The following PPP1R12A variants were observed in gnomAD, a reference collection of about 807,000 sequenced individuals.
PPP1R12A encodes the protein myosin binding subunit.
A neutral mutation model predicts 139.6 loss-of-function variants in PPP1R12A; 19 were observed. The observed-to-expected ratio is 0.14, with a 90% CI of 0.09 to 0.20. The LOEUF (loss-of-function observed/expected upper bound fraction) is 0.20, where lower values mean the gene tolerates loss of function less well. Ranked by LOEUF, PPP1R12A falls within the 10% of genes least tolerant of loss-of-function variation. The probability of loss-of-function intolerance (pLI) is 1.00; values close to 1 mark genes in which losing one functional copy is unlikely to be tolerated. For missense variants in PPP1R12A, 925 were observed against 1,211.5 expected, an observed-to-expected ratio of 0.76 and a Z score of 3.51; for synonymous variants, 427 against 420.6, an observed-to-expected ratio of 1.02 and a Z score of -0.19.
intron 1 of PPP1R12A, among the ~76,000 whole-genome samples, chr12:79,894,596 A>T (rs963035185): frequency 5.3e-5 from 8 of 152,194 alleles, no homozygotes; most frequent in African/African-American, 1.7e-4. Flanking sequence ...TTCCTATAAA[A>T]TATTATGATC....
Position 79,868,133 on chromosome 12 carries a change from G to C in PPP1R12A, c.368+4675C>G, listed in dbSNP as rs147370700. The stretch of plus-strand genomic sequence containing the variant: ...AATGTTACCATTGTATAGTTCCTAT[G>C]TTTTCATCTAATTATTTCTTCAGTC... On this transcript the variant is annotated intron_variant, in intron 2 of 24. Coordinates refer to ENST00000450142, the MANE Select transcript of PPP1R12A (RefSeq NM_002480.3). Among the ~76,000 whole-genome samples, 1,114 of 152,274 alleles carry C rather than the reference G, an allele frequency of 7.3e-3. 10 individuals carry two copies. Among genetic ancestry groups the C allele is most frequent in the African/African-American group, 0.026 (1,066 of 41,554 alleles).
At chr12:79,828,949 C>T (rs1461552148) in intron 4 of PPP1R12A, among the ~76,000 whole-genome samples, 1 of 151,936 alleles carries the variant, frequency 6.6e-6, no homozygotes, top group Non-Finnish European at 1.5e-5. Context: ...ATTTCTGTTG[C>T]CTTGAAATTA....
intron 2 of PPP1R12A, among the ~76,000 whole-genome samples, chr12:79,871,992 G>A (rs140886382): frequency 1.7e-4 from 26 of 152,166 alleles, no homozygotes; most frequent in African/African-American, 5.8e-4. Flanking sequence ...TTCCCAGGCC[G>A]GAGCACTTTT....
At chr12:79,888,188 G>A (rs971896905) in intron 1 of PPP1R12A, among the ~76,000 whole-genome samples, 3 of 152,192 alleles carry the variant, frequency 2.0e-5, no homozygotes, top group East Asian at 1.9e-4. Context: ...CACAAGACAC[G>A]TAACTAAACA....
At chr12:79,883,016 A>G (rs1883781858) in intron 1 of PPP1R12A, among the ~76,000 whole-genome samples, 1 of 152,110 alleles carries the variant, frequency 6.6e-6, no homozygotes, top group African/African-American at 2.4e-5. Flanking sequence ...ACGCACCTAT[A>G]ATCCCAGCTA....
At chr12:79,789,535 G>T in intron 20 of PPP1R12A, 1 of 398,570 alleles carries the variant, frequency 2.5e-6, no homozygotes, top group Non-Finnish European at 4.9e-6. Flanking sequence ...TCCTAAGCAG[G>T]AAAAACATAT....
Position 79,927,085 on chromosome 12 carries a change from C to T in PPP1R12A, c.237+7610G>A, listed in dbSNP as rs371206742. On this transcript the variant is annotated intron_variant, in intron 1 of 24. Coordinates refer to ENST00000450142, the MANE Select transcript of PPP1R12A (RefSeq NM_002480.3). ...GCACATGCCTGTATTCCCAGCTGAT[C>T]GGGAGGCTGAGGTGGGAGGATCACT... is the stretch of plus-strand genomic sequence containing the variant. Among the ~76,000 whole-genome samples the T allele has an allele frequency of 8.4e-4, 126 of 150,532 alleles. 1 individual carries two copies. In the South Asian group the frequency reaches 0.025, roughly 29 times the overall value.
At chr12:79,826,252 G>A (rs1292340746) in intron 5 of PPP1R12A, among the ~76,000 whole-genome samples, 3 of 150,590 alleles carry the variant, frequency 2.0e-5, no homozygotes, top group Non-Finnish European at 2.9e-5. Flanking sequence ...TCACAGGGTC[G>A]TTAAAAGAAT....
At chr12:79,823,234 A>G (rs1441434169) in intron 5 of PPP1R12A, among the ~76,000 whole-genome samples, 1 of 152,110 alleles carries the variant, frequency 6.6e-6, no homozygotes, top group Non-Finnish European at 1.5e-5. Context: ...CAAGTTCATT[A>G]TTTAGAATAC....
At chr12:79,917,167 G>T (rs1419721079) in intron 1 of PPP1R12A, among the ~76,000 whole-genome samples, 1 of 152,108 alleles carries the variant, frequency 6.6e-6, no homozygotes, top group Admixed American at 6.5e-5. Context: ...GGGTTGAAAA[G>T]GGAAAAAGAT....
chr12:79,804,484 T>A (rs1873577179), intron 14 of PPP1R12A, among the ~76,000 whole-genome samples: 1 of 152,060 alleles, frequency 6.6e-6, no homozygotes, highest in Non-Finnish European at 1.5e-5. Flanking sequence ...AAAAAAAAGT[T>A]AACACTAACT....
chr12:79,788,622 T>C, intron 21 of PPP1R12A, 26 bp downstream of exon 21: 1 of 1,560,226 alleles, frequency 6.4e-7, no homozygotes, highest in South Asian at 1.2e-5. Context: ...AACTTTTTAT[T>C]AAATATAACT....
Position 79,828,841 on chromosome 12 carries a change from T to C in PPP1R12A, c.648-377A>G, listed in dbSNP as rs184853116. Among the ~76,000 whole-genome samples the C allele has an allele frequency of 4.6e-5, 7 of 152,254 alleles. No individual in the cohort carries two copies. In the East Asian group the frequency reaches 1.4e-3, roughly 29 times the overall value. ...TCACTTTGTATGTAAAACTGATTTA[T>C]TGCAGGAACTATCATCTTCAGGTTT... On this transcript the variant is annotated intron_variant, in intron 4 of 24. Transcript: ENST00000450142.
intron 1 of PPP1R12A, among the ~76,000 whole-genome samples, chr12:79,926,425 A>G (rs1025231677): frequency 2.6e-5 from 4 of 152,134 alleles, no homozygotes; most frequent in African/African-American, 7.2e-5. Context: ...TCCTGAGCTC[A>G]GGTGATCCGC....
intron 3 of PPP1R12A, among the ~76,000 whole-genome samples, chr12:79,841,955 A>AT (rs1878764964): frequency 1.3e-5 from 2 of 151,950 alleles, no homozygotes; most frequent in African/African-American, 2.4e-5. Context: ...ATCACTTTTT[A>AT]TAACACCTCA....
At chr12:79,830,122 A>C (rs1877243131) in intron 4 of PPP1R12A, among the ~76,000 whole-genome samples, 2 of 152,100 alleles carry the variant, frequency 1.3e-5, no homozygotes, top group African/African-American at 4.8e-5. Flanking sequence ...AAAGAATGAA[A>C]GGATACATAG....
At chr12:79,814,219 T>A (rs1874967183) in intron 9 of PPP1R12A, among the ~76,000 whole-genome samples, 1 of 152,156 alleles carries the variant, frequency 6.6e-6, no homozygotes. Context: ...GGCTCACGCC[T>A]GTAATCCCAG....
At chr12:79,876,424 G>C (rs1298980407) in intron 1 of PPP1R12A, among the ~76,000 whole-genome samples, 1 of 152,128 alleles carries the variant, frequency 6.6e-6, no homozygotes, top group African/African-American at 2.4e-5. Flanking sequence ...AATGAATGTA[G>C]GAGGAAGCTA....
At chr12:79,890,747 A>G (rs1434814215) in intron 1 of PPP1R12A, among the ~76,000 whole-genome samples, 1 of 152,092 alleles carries the variant, frequency 6.6e-6, no homozygotes, top group Non-Finnish European at 1.5e-5. Context: ...AAGAGAGCCA[A>G]ACCTTGCCTG....
Sources: gnomAD v4.1 joint callset for allele counts (sites outside exome capture counted in the v4.1 genomes callset) on GRCh38, gnomAD v4.1.1 for gene constraint, MANE v1.5 for transcripts, NCBI Gene and HGNC (gene_info 2026-07-23, HGNC 2026-07-21) for gene names.